JARID2: variants seen among roughly 807,000 people sequenced by gnomAD.
JARID2 encodes jumonji and AT-rich interaction domain containing 2.
A neutral mutation model predicts 125.6 loss-of-function variants in JARID2; 21 were observed. The ratio of observed to expected loss-of-function variants is 0.17; its 90% CI spans 0.12 to 0.24. The LOEUF is 0.24. JARID2 is among the 10% of genes least tolerant of loss of function. The pLI, the probability that JARID2 is intolerant of heterozygous loss-of-function variation, is 1.00. For synonymous variants in JARID2, 736 were observed against 661.6 expected (o/e 1.11, Z -1.73); for missense variants, 1,303 against 1,639.6 (o/e 0.79, Z 3.55).
chr6:15,373,447 C>T (rs1416746020), intron 1 of JARID2, among the ~76,000 whole-genome samples: 1 of 152,156 alleles, frequency 6.6e-6, no homozygotes, highest in East Asian at 1.9e-4. Context: ...ATGAGGTTGC[C>T]AGTTTGAAAT....
In JARID2 at chr6:15,365,374, C is replaced by T. The variant is rs773080057; in HGVS notation, c.46-8743C>T. On this transcript the variant is annotated intron_variant, in intron 1 of 17. Coordinates refer to ENST00000341776, the MANE Select transcript of JARID2 (RefSeq NM_004973.4). Reference sequence around the variant, plus strand: ...TGCAGGAGGTTTTAATGCCGTGTTGCGTGGTTCTGGCTGCTCTGTTCCCTG... The same window carrying T: ...TGCAGGAGGTTTTAATGCCGTGTTGTGTGGTTCTGGCTGCTCTGTTCCCTG... Among the ~76,000 whole-genome samples, 16 of 152,050 alleles carry T rather than the reference C, an allele frequency of 1.1e-4. 1 individual carries two copies. The highest frequency in any genetic ancestry group is 2.2e-4 in the Non-Finnish European group (15 of 68,014).
intron 1 of JARID2, among the ~76,000 whole-genome samples, chr6:15,309,070 A>G (rs1211607238): frequency 1.3e-5 from 2 of 152,170 alleles, no homozygotes; most frequent in Admixed American, 6.5e-5. Context: ...AAGTAGCTGC[A>G]AGATTGATGT....
chr6:15,453,151 G>A (rs1449589191), intron 4 of JARID2, among the ~76,000 whole-genome samples: 3 of 152,110 alleles, frequency 2.0e-5, no homozygotes, highest in African/African-American at 7.2e-5. Flanking sequence ...ACAGTGATAC[G>A]TGGCCCCCAT....
intron 1 of JARID2, among the ~76,000 whole-genome samples, chr6:15,285,454 T>C (rs1389664364): frequency 1.3e-5 from 2 of 152,180 alleles, no homozygotes; most frequent in Admixed American, 1.3e-4. Context: ...ATTTTCATTA[T>C]GCAATTAATT....
At chr6:15,313,337 G>T (rs1762077520) in intron 1 of JARID2, among the ~76,000 whole-genome samples, 1 of 152,232 alleles carries the variant, frequency 6.6e-6, no homozygotes, top group Non-Finnish European at 1.5e-5. Flanking sequence ...AGAAAGCGCT[G>T]TGGCTGAGAA....
Position 15,337,061 on chromosome 6 carries a change from G to A in JARID2, c.46-37056G>A, listed in dbSNP as rs751658821. On this transcript the variant is annotated intron_variant, in intron 1 of 17. Coordinates refer to ENST00000341776, the MANE Select transcript of JARID2 (RefSeq NM_004973.4). ...TCCTCCTCGCAGGGTGAGTGTAAAC[G>A]AATGCGAAACTGTCTCTCTTCCTGC... 5.3e-5 allele frequency among the ~76,000 whole-genome samples: 8 copies of A among 152,112 alleles called. No homozygotes were observed. In the South Asian group the frequency reaches 8.3e-4, roughly 16 times the overall value.
intron 3 of JARID2, 77 bp from the exon 4 acceptor site, chr6:15,451,929 T>C (rs1017902070): frequency 4.3e-6 from 6 of 1,403,132 alleles, no homozygotes; most frequent in Admixed American, 4.5e-5. Context: ...TTATGTGTCA[T>C]GATTTTATTG....
At chr6:15,329,556 A>G (rs1762638500) in intron 1 of JARID2, among the ~76,000 whole-genome samples, 1 of 152,168 alleles carries the variant, frequency 6.6e-6, no homozygotes, top group Admixed American at 6.5e-5. Flanking sequence ...GGATGCACAG[A>G]TTAGTTAATG....
chr6:15,437,948 T>A (rs2127612275), intron 3 of JARID2, among the ~76,000 whole-genome samples: 1 of 152,304 alleles, frequency 6.6e-6, no homozygotes, highest in Admixed American at 6.5e-5. Context: ...AGTGGGCCCT[T>A]AGCAGAATAG....
At chr6:15,459,980 C>CT (rs1350826774) in intron 4 of JARID2, among the ~76,000 whole-genome samples, 3 of 152,118 alleles carry the variant, frequency 2.0e-5, no homozygotes, top group African/African-American at 2.4e-5. Flanking sequence ...TGGTACACAA[C>CT]TTTTTTTGAG....
intron 1 of JARID2, among the ~76,000 whole-genome samples, chr6:15,333,949 C>A (rs1405303702): frequency 6.6e-6 from 1 of 152,068 alleles, no homozygotes; most frequent in Non-Finnish European, 1.5e-5. Flanking sequence ...AGGGTGCTTC[C>A]CCCGCCCCGA....
chr6:15,248,031 G>T, intron 1 of JARID2: 1 of 985,392 alleles, frequency 1.0e-6, no homozygotes, highest in Non-Finnish European at 1.2e-6. Context: ...TCCCATTCCG[G>T]ACCTCGTTGA....
chr6:15,366,564 A>G (rs1022783619), intron 1 of JARID2, among the ~76,000 whole-genome samples: 2 of 149,028 alleles, frequency 1.3e-5, no homozygotes, highest in Non-Finnish European at 3.0e-5. Context: ...GCCATGTCTT[A>G]GCATTTCTGT....
chr6:15,479,210 G>T (rs1487824655), intron 5 of JARID2, among the ~76,000 whole-genome samples: 4 of 152,154 alleles, frequency 2.6e-5, no homozygotes, highest in Non-Finnish European at 4.4e-5. Context: ...CACAGGCCGC[G>T]GGGCTAGTAA....
Position 15,521,913 on chromosome 6 carries a change from C to T in JARID2, c.*1662C>T, listed in dbSNP as rs1771877592. 6.6e-6 allele frequency: 1 copy of T among 152,224 alleles called. No individual in the cohort carries two copies. Among genetic ancestry groups the T allele is most frequent in the East Asian group, 1.9e-4 (1 of 5,186 alleles). The allele number at this position is 152,224 out of a possible 1,614,324, so 9.4% of individuals were successfully genotyped here. A position where few individuals can be genotyped will look rare whatever the true frequency, so the allele number is the denominator to read the frequency against. On this transcript the variant is annotated 3_prime_UTR_variant, in exon 18 of 18. Coordinates refer to ENST00000341776, the MANE Select transcript of JARID2 (RefSeq NM_004973.4). ...TTTGACATTTAATTTATTAGCGCTG[C>T]TCTGCACCCCTCCCTTGGGAGGGAG...
intron 1 of JARID2, among the ~76,000 whole-genome samples, chr6:15,255,702 G>A (rs1759637864): frequency 6.6e-6 from 1 of 152,158 alleles, no homozygotes; most frequent in South Asian, 2.1e-4. Context: ...AGAAACAGGT[G>A]CCAGGAGGAA....
At chr6:15,406,438 C>T (rs941114724) in intron 2 of JARID2, among the ~76,000 whole-genome samples, 2 of 152,064 alleles carry the variant, frequency 1.3e-5, no homozygotes, top group Admixed American at 6.6e-5. Flanking sequence ...GTCTCAAGGT[C>T]GGGGGAGAGG....
At chr6:15,451,254 C>G (rs1025699621) in intron 3 of JARID2, among the ~76,000 whole-genome samples, 1 of 152,202 alleles carries the variant, frequency 6.6e-6, no homozygotes, top group Non-Finnish European at 1.5e-5. Flanking sequence ...GAAATGTACT[C>G]TGTAGTTAAC....
intron 1 of JARID2, among the ~76,000 whole-genome samples, chr6:15,251,939 G>T (rs999837727): frequency 6.6e-6 from 1 of 151,832 alleles, no homozygotes; most frequent in African/African-American, 2.4e-5. Context: ...TTGAACCTGG[G>T]AGGCGGAGGT....
Sources: gnomAD v4.1 joint callset for allele counts (sites outside exome capture counted in the v4.1 genomes callset) on GRCh38, gnomAD v4.1.1 for gene constraint, MANE v1.5 for transcripts, NCBI Gene and HGNC (gene_info 2026-07-23, HGNC 2026-07-21) for gene names.